The following CDH13 variants were observed in gnomAD, a reference collection of about 807,000 sequenced individuals.
CDH13 encodes cadherin-13.
A neutral mutation model predicts 63.8 loss-of-function variants in CDH13; 24 were observed. The ratio of observed to expected loss-of-function variants is 0.38; its 90% CI spans 0.27 to 0.53. The LOEUF (loss-of-function observed/expected upper bound fraction) is 0.53. Among genes scored for constraint, CDH13 ranks in the 20% least tolerant of loss-of-function variants. CDH13 has a pLI of 0.85. For synonymous variants in CDH13, 503 were observed against 355.3 expected, an observed-to-expected ratio of 1.42 and a Z score of -4.67; for missense variants, 1,049 against 903.1, an observed-to-expected ratio of 1.16 and a Z score of -2.07.
At chr16:83,258,544 T>A (rs536810216) in intron 5 of CDH13, among the ~76,000 whole-genome samples, 1 of 152,194 alleles carries the variant, frequency 6.6e-6, no homozygotes, top group Non-Finnish European at 1.5e-5. Context: ...GTACACAGTG[T>A]TCTGTCTGAT....
intron 10 of CDH13, among the ~76,000 whole-genome samples, chr16:83,744,145 T>G (rs560902650): frequency 1.3e-4 from 20 of 152,176 alleles, no homozygotes; most frequent in Non-Finnish European, 2.1e-4. Context: ...AAGCATTCTG[T>G]GTGTCTATTG....
intron 1 of CDH13, among the ~76,000 whole-genome samples, chr16:82,847,011 C>T (rs1198416315): frequency 3.3e-5 from 5 of 152,176 alleles, no homozygotes; most frequent in Non-Finnish European, 7.3e-5. Context: ...TCAAAGCATT[C>T]CAAAGCCATG....
intron 8 of CDH13, among the ~76,000 whole-genome samples, chr16:83,608,921 A>T (rs1371101631): frequency 6.6e-6 from 1 of 152,158 alleles, no homozygotes; most frequent in Admixed American, 6.5e-5. Flanking sequence ...TTCATATAAC[A>T]ATTACATAAG....
intron 7 of CDH13, 110 bp from the exon 8 acceptor site, chr16:83,602,344 C>T (rs1907926892): frequency 9.8e-7 from 1 of 1,023,846 alleles, no homozygotes; most frequent in Non-Finnish European, 1.6e-6. Context: ...AAGATGCCTA[C>T]CCTAGATGGA....
At chr16:83,334,377 A>T (rs1378002865) in intron 5 of CDH13, among the ~76,000 whole-genome samples, 2 of 148,746 alleles carry the variant, frequency 1.3e-5, no homozygotes, top group African/African-American at 2.5e-5. Context: ...ACACACACAC[A>T]CACACACACA....
At chr16:82,863,741 T>C (rs1171435370) in intron 2 of CDH13, among the ~76,000 whole-genome samples, 5 of 152,322 alleles carry the variant, frequency 3.3e-5, no homozygotes, top group Middle Eastern at 6.8e-3. Flanking sequence ...TTTCTTATAA[T>C]GGCCATCTGA....
chr16:82,719,675 G>A (rs926259254), intron 1 of CDH13, among the ~76,000 whole-genome samples: 9 of 151,922 alleles, frequency 5.9e-5, no homozygotes, highest in Admixed American at 2.6e-4. Context: ...GTGAAACCCC[G>A]TCTCTACTGA....
At chr16:83,499,984 G>A (rs2074233559) in intron 7 of CDH13, among the ~76,000 whole-genome samples, 2 of 151,980 alleles carry the variant, frequency 1.3e-5, no homozygotes, top group South Asian at 4.1e-4. Context: ...TGTATTTTTA[G>A]TAGAGATGGG....
chr16:82,991,071 C>A (rs933966982), intron 2 of CDH13, among the ~76,000 whole-genome samples: 2 of 152,180 alleles, frequency 1.3e-5, no homozygotes, highest in African/African-American at 4.8e-5. Flanking sequence ...CATGCACCTG[C>A]CATCCTTGAT....
chr16:83,187,249 C>G (rs13332428), intron 4 of CDH13, among the ~76,000 whole-genome samples: 2 of 152,294 alleles, frequency 1.3e-5, no homozygotes, highest in African/African-American at 4.8e-5. Context: ...GAATTACAGG[C>G]GTAAGCCACC....
At chr16:83,569,434 C>T (rs1205344502) in intron 7 of CDH13, among the ~76,000 whole-genome samples, 1 of 152,220 alleles carries the variant, frequency 6.6e-6, no homozygotes, top group African/African-American at 2.4e-5. Flanking sequence ...AGACAATTTG[C>T]AGTGGATACT....
intron 5 of CDH13, among the ~76,000 whole-genome samples, chr16:83,297,080 G>T (rs923875189): frequency 8.5e-5 from 13 of 152,248 alleles, no homozygotes; most frequent in South Asian, 2.1e-4. Flanking sequence ...TAATAAGCAT[G>T]GGGGGAGAAG....
At chr16:83,741,069 G>A (rs1366137019) in intron 10 of CDH13, among the ~76,000 whole-genome samples, 2 of 152,192 alleles carry the variant, frequency 1.3e-5, no homozygotes, top group Non-Finnish European at 2.9e-5. Context: ...TCCTGGGACA[G>A]GAAGAGAACA....
At chr16:82,636,770 C>A (rs182742565) in intron 1 of CDH13, among the ~76,000 whole-genome samples, 8 of 152,274 alleles carry the variant, frequency 5.3e-5, no homozygotes, top group Admixed American at 5.2e-4. Context: ...AAACCCAAAC[C>A]AAGACACAAC....
intron 6 of CDH13, among the ~76,000 whole-genome samples, chr16:83,464,239 A>C (rs1045353012): frequency 6.6e-6 from 1 of 152,030 alleles, no homozygotes; most frequent in Non-Finnish European, 1.5e-5. Flanking sequence ...TTTGCTGGGC[A>C]TGGTGGCTCA....
intron 2 of CDH13, among the ~76,000 whole-genome samples, chr16:82,868,720 G>T (rs1404855498): frequency 6.6e-6 from 1 of 152,190 alleles, no homozygotes; most frequent in Non-Finnish European, 1.5e-5. Context: ...CGTCCTGTTT[G>T]GCTGCTTAGT....
intron 8 of CDH13, among the ~76,000 whole-genome samples, chr16:83,645,767 C>T (rs1911733061): frequency 6.6e-6 from 1 of 151,854 alleles, no homozygotes. Context: ...AGGGAAGGGG[C>T]AGGGAAAACA....
At position 83,211,359 on chromosome 16, in the gene CDH13, C is replaced by A. The variant is rs148158789; in HGVS notation, c.484-5986C>A. Among the ~76,000 whole-genome samples, 86 of 152,220 alleles carry A rather than the reference C, an allele frequency of 5.6e-4. No homozygotes were observed. The East Asian group carries it at 0.015, about 26-fold the overall frequency. ...TAGTTCTGTAAATCTAAAATTACCA[C>A]CCGAAGTTTATAAATGAATACACAC... On this transcript the variant is annotated intron_variant, in intron 4 of 13. Transcript: ENST00000567109.
chr16:83,696,583 C>T (rs935859877), intron 10 of CDH13, among the ~76,000 whole-genome samples: 7 of 152,168 alleles, frequency 4.6e-5, no homozygotes, highest in Admixed American at 3.9e-4. Flanking sequence ...ATGCTTCACC[C>T]TAAAGTTATA....
Sources: gnomAD v4.1 joint callset for allele counts (sites outside exome capture counted in the v4.1 genomes callset) on GRCh38, gnomAD v4.1.1 for gene constraint, MANE v1.5 for transcripts, NCBI Gene and HGNC (gene_info 2026-07-23, HGNC 2026-07-21) for gene names.